Variants in ZC3H18 observed in about 807,000 individuals in gnomAD.
ZC3H18 encodes zinc finger CCCH-type containing 18.
ZC3H18 carries 8 observed loss-of-function variants against 106.1 expected under a neutral mutation model. That is an observed-to-expected ratio of 0.08 (90% confidence interval 0.04 to 0.14). The LOEUF (loss-of-function observed/expected upper bound fraction) is 0.14, where lower values mean the gene tolerates loss of function less well. Among genes scored for constraint, ZC3H18 ranks in the 10% least tolerant of loss-of-function variants. The probability of loss-of-function intolerance (pLI) is 1.00; values close to 1 mark genes in which losing one functional copy is unlikely to be tolerated. For missense variants in ZC3H18, 1,318 were observed against 1,278.4 expected (o/e 1.03, Z -0.47); for synonymous variants, 635 against 522.1 (o/e 1.22, Z -2.95).
chr16:88,628,776 A>C lies in ZC3H18; in HGVS notation c.2488A>C (p.Arg830=). 1 of 1,614,018 alleles carries C rather than the reference A, an allele frequency of 6.2e-7. No homozygotes were observed. Among genetic ancestry groups the C allele is most frequent in the East Asian group, 2.2e-5 (1 of 44,870 alleles). Residue 830 remains arginine, a synonymous_variant, in exon 16 of 18, where the codon AGG becomes CGG. Transcript: ENST00000301011. ...GTCCCAGGCGGCTGATAAAGGAAGC[A>C]GGAAGCGCTATGAACCATCAGACAA... ...LLNKAADKGS[R]KRYEPSDKDR...
intron 3 of ZC3H18, among the ~76,000 whole-genome samples, chr16:88,588,523 T>G (rs1055380309): frequency 6.6e-6 from 1 of 151,962 alleles, no homozygotes; most frequent in Non-Finnish European, 1.5e-5. Flanking sequence ...CATTGGGAGA[T>G]GCCTGGATGA....
chr16:88,628,914 A>C, intron 16 of ZC3H18, 60 bp downstream of exon 16: 1 of 1,591,184 alleles, frequency 6.3e-7, no homozygotes, highest in Admixed American at 1.7e-5. Context: ...GATGCGGAGC[A>C]GCTGGGTCTG....
At chr16:88,623,454 C>A (rs1213095374) in intron 10 of ZC3H18, 110 bp downstream of exon 10, 2 of 1,419,446 alleles carry the variant, frequency 1.4e-6, no homozygotes, top group South Asian at 1.3e-5. Context: ...TTGAAGGTCC[C>A]TGCTGGCAGC....
chr16:88,575,960 G>A (rs771868326), intron 1 of ZC3H18, among the ~76,000 whole-genome samples: 4 of 152,318 alleles, frequency 2.6e-5, no homozygotes, highest in African/African-American at 7.2e-5. Flanking sequence ...GAGTGCGGTG[G>A]CGCGATCTCA....
intron 8 of ZC3H18, among the ~76,000 whole-genome samples, chr16:88,616,789 T>G (rs1379568611): frequency 6.6e-6 from 1 of 152,130 alleles, no homozygotes; most frequent in Admixed American, 6.6e-5. Flanking sequence ...TTGGGAAGAT[T>G]CTGCCTTCAG....
chr16:88,585,064 A>G (rs1002269757), intron 2 of ZC3H18, among the ~76,000 whole-genome samples: 48 of 152,252 alleles, frequency 3.2e-4, no homozygotes, highest in African/African-American at 9.9e-4. Context: ...TAGTAGTAAA[A>G]AGAAGACACA....
intron 3 of ZC3H18, among the ~76,000 whole-genome samples, chr16:88,591,101 G>A (rs1440161574): frequency 1.3e-5 from 2 of 151,918 alleles, no homozygotes; most frequent in African/African-American, 4.8e-5. Flanking sequence ...CTCCTGAGTA[G>A]TTGGAACTAC....
In ZC3H18 at chr16:88,624,005, C is replaced by T. The variant is rs756156137; in HGVS notation, c.1841C>T (p.Pro614Leu). The part of the protein sequence containing the change: ...SSPSPSPTPS[P>L]HRPSIRTKGE... ...CCGTCCCCGTCCCCAACACCTTCCCCACATAGACCTTCCATCAGAACCAAG... is the reference window on the plus strand; with the variant it reads ...CCGTCCCCGTCCCCAACACCTTCCCTACATAGACCTTCCATCAGAACCAAG... The change falls in exon 11 of 18, where the codon CCA (proline) becomes CTA (leucine). Residue 614 changes from proline to leucine, a missense_variant. By Grantham distance (98) the Pro-to-Leu change is moderately conservative. Coordinates refer to ENST00000301011, the MANE Select transcript of ZC3H18 (RefSeq NM_144604.4). 7 of 1,614,016 alleles carry T rather than the reference C, an allele frequency of 4.3e-6. No individual in the cohort carries two copies. Among genetic ancestry groups the T allele is most frequent in the Non-Finnish European group, 5.9e-6 (7 of 1,179,974 alleles).
intron 6 of ZC3H18, 104 bp downstream of exon 6, chr16:88,600,052 C>T (rs1904666845): frequency 7.2e-7 from 1 of 1,380,420 alleles, no homozygotes; most frequent in East Asian, 2.3e-5. Context: ...GGCTGAGACC[C>T]AGCCCCACTC....
chr16:88,587,480 G>C (rs1189834411), intron 3 of ZC3H18: 1 of 1,409,924 alleles, frequency 7.1e-7, no homozygotes, highest in Non-Finnish European at 9.7e-7. Flanking sequence ...ATAGATGACT[G>C]TCACTGCCAG....
intron 6 of ZC3H18, among the ~76,000 whole-genome samples, chr16:88,603,359 G>A (rs1294798189): frequency 1.3e-5 from 2 of 151,068 alleles, no homozygotes; most frequent in African/African-American, 2.4e-5. Context: ...GGTGGCTCAC[G>A]CCTGTAATCC....
chr16:88,612,033 G>A (rs945719491), intron 8 of ZC3H18, among the ~76,000 whole-genome samples: 2 of 152,114 alleles, frequency 1.3e-5, no homozygotes, highest in Non-Finnish European at 2.9e-5. Flanking sequence ...AGGGCCGGGC[G>A]GGCTGCTGTT....
rs781017457 is a variant in ZC3H18, at chr16:88,628,001, C to T, written c.2351C>T (p.Pro784Leu). 6.2e-6 allele frequency: 10 copies of T among 1,614,182 alleles called. No homozygotes were observed. Among genetic ancestry groups the T allele is most frequent in the South Asian group, 1.1e-5 (1 of 91,090 alleles). ...SSTQPPKSAK[P>L]PAGGKSSQQP... ...ACACAACCACCCAAATCTGCAAAAC[C>T]TCCAGCAGGGGGGAAGTCCTCCCAG... Residue 784 changes from proline (P) to leucine (L), a missense_variant, in exon 15 of 18, where the codon CCT becomes CTT. Physicochemically the swap from Pro to Leu is moderately conservative, Grantham distance 98. Coordinates refer to ENST00000301011, the MANE Select transcript of ZC3H18 (RefSeq NM_144604.4).
chr16:88,583,172 C>A (rs548695254), intron 2 of ZC3H18, among the ~76,000 whole-genome samples: 1 of 152,216 alleles, frequency 6.6e-6, no homozygotes, highest in African/African-American at 2.4e-5. Context: ...TGTACAGAAG[C>A]TCCAGTGTGA....
rs1906426062 is a variant in ZC3H18 at position 88,628,052 on chromosome 16, C to T, written c.2402C>T (p.Pro801Leu). ...CAGCCCTCGACACCCCAGCAGGCAC[C>T]CCCCGGGCAGCCCCAGCAGGGCACA... ...SQQPSTPQQAPPGQPQQGTFV... is the reference protein window; with the variant it reads ...SQQPSTPQQALPGQPQQGTFV... Residue 801 changes from proline to leucine, a missense_variant, in exon 15 of 18, where the codon CCC (proline) becomes CTC (leucine). By Grantham distance (98) the Pro-to-Leu change is moderately conservative (BLOSUM62 -3). Coordinates refer to ENST00000301011, the MANE Select transcript of ZC3H18 (RefSeq NM_144604.4). 1 of 1,613,974 alleles carries T rather than the reference C, an allele frequency of 6.2e-7. No homozygotes were observed. The highest frequency in any genetic ancestry group is 1.1e-5 in the South Asian group (1 of 91,090).
chr16:88,624,939 G>T (rs901540600), intron 12 of ZC3H18, among the ~76,000 whole-genome samples, 194 bp downstream of exon 12: 2 of 152,214 alleles, frequency 1.3e-5, no homozygotes, highest in Non-Finnish European at 2.9e-5. Flanking sequence ...TTTCTGGAGC[G>T]TGAAGGGGAA....
In ZC3H18 at chr16:88,622,309, G is replaced by C; in HGVS notation, c.1588G>C (p.Gly530Arg). 2 of 1,613,984 alleles carry C rather than the reference G, an allele frequency of 1.2e-6. No homozygotes were observed. Among genetic ancestry groups the C allele is most frequent in the East Asian group, 2.2e-5 (1 of 44,876 alleles). The change falls in exon 9 of 18, where the codon GGG (glycine) becomes CGG (arginine). Residue 530 changes from glycine to arginine, a missense_variant. Physicochemically the swap from Gly to Arg is moderately radical, Grantham distance 125. Coordinates refer to ENST00000301011, the MANE Select transcript of ZC3H18 (RefSeq NM_144604.4). ...ATCCAAGTCTCCCAAGAAGAAACTCGGGGTGTCGGTCTCCCCGAGCCGGGC... is the reference window on the plus strand; with the variant it reads ...ATCCAAGTCTCCCAAGAAGAAACTCCGGGTGTCGGTCTCCCCGAGCCGGGC... ...RRSKSPKKKL[G>R]VSVSPSRARR...
At chr16:88,588,321 A>G (rs1465628684) in intron 3 of ZC3H18, among the ~76,000 whole-genome samples, 6 of 152,236 alleles carry the variant, frequency 3.9e-5, no homozygotes, top group Non-Finnish European at 7.3e-5. Flanking sequence ...TCTGGGTGGC[A>G]GTGTGACTGG....
intron 3 of ZC3H18, 28 bp from the exon 4 acceptor site, chr16:88,598,150 C>T (rs778816399): frequency 2.0e-6 from 3 of 1,465,390 alleles, no homozygotes; most frequent in Non-Finnish European, 2.8e-6. Context: ...CTTGTGGACC[C>T]TTTCTGATCT....
Sources: gnomAD v4.1 joint callset for allele counts (sites outside exome capture counted in the v4.1 genomes callset) on GRCh38, gnomAD v4.1.1 for gene constraint, MANE v1.5 for transcripts, NCBI Gene and HGNC (gene_info 2026-07-23, HGNC 2026-07-21) for gene names.